The following PLA2G4F variants were observed in gnomAD, a reference collection of about 807,000 sequenced individuals.
The protein encoded by PLA2G4F is cytosolic phospholipase A2 zeta.
A neutral mutation model predicts 103.1 loss-of-function variants in PLA2G4F; 105 were observed. The observed-to-expected ratio is 1.02, with a 90% confidence interval of 0.87 to 1.20. The LOEUF (loss-of-function observed/expected upper bound fraction) is 1.20. Among genes scored for constraint, PLA2G4F ranks in the 50% most tolerant of loss-of-function variants. The pLI is 0.00. For missense variants in PLA2G4F, 1,155 were observed against 1,075.9 expected (o/e 1.07, Z -1.03); for synonymous variants, 468 against 441.1 (o/e 1.06, Z -0.76).
chr15:42,152,335 T>C (rs2048969178), intron 7 of PLA2G4F, among the ~76,000 whole-genome samples: 1 of 152,196 alleles, frequency 6.6e-6, no homozygotes, highest in Non-Finnish European at 1.5e-5. Context: ...CCCAGGCTAA[T>C]GGGCTTGTCA....
rs636604 is a variant in PLA2G4F, at chr15:42,156,461, C to A, written c.89G>T (p.Gly30Val). 0.021 allele frequency: 33,272 copies of A among 1,563,872 alleles called. 1,895 individuals are homozygous for A. The highest frequency in any genetic ancestry group is 0.15 in the Admixed American group (7,962 of 52,614). The change falls in exon 1 of 20, where the codon GGC becomes GTC. Residue 30 changes from glycine to valine, a missense_variant. Around this residue, in one of 3 missense-constraint regions of PLA2G4F, gnomAD observed 370 missense variants for 364.9 expected, o/e 1.01. Transcript: ENST00000397272. Reference protein sequence around the residue: ...AVLLQKREKRGPLWRHWRRET... With the variant: ...AVLLQKREKRVPLWRHWRRET... ...TACCCGCCAGTGCCTCCACAGAGGG[C>A]CCCTCTTCTCTCTCTTCTGAAGCAG...
At position 42,145,279 on chromosome 15, in the gene PLA2G4F, C is replaced by T. The variant is rs777835932; in HGVS notation, c.1780+296G>A. 9.0e-4 allele frequency among the ~76,000 whole-genome samples: 137 copies of T among 152,134 alleles called. 6 individuals are homozygous for T. Among genetic ancestry groups the T allele is most frequent in the Non-Finnish European group, 3.2e-4 (22 of 68,024 alleles). ...GAAGGGTGCTCTGCACCGTGGGGCCCCCATGAGCCATTTAAGGACCAGGCT... is the reference window on the plus strand; with the variant it reads ...GAAGGGTGCTCTGCACCGTGGGGCCTCCATGAGCCATTTAAGGACCAGGCT... On this transcript the variant is annotated intron_variant, in intron 16 of 19. Coordinates refer to ENST00000397272, the MANE Select transcript of PLA2G4F (RefSeq NM_213600.4).
intron 11 of PLA2G4F, 50 bp downstream of exon 11, chr15:42,149,663 T>C: frequency 6.2e-7 from 1 of 1,608,778 alleles, no homozygotes; most frequent in Admixed American, 1.7e-5. Flanking sequence ...GGGAAGAGAC[T>C]TGATTTAGTC....
Position 42,143,964 on chromosome 15 carries a change from G to A in PLA2G4F, c.2142+14C>T. 6.3e-7 allele frequency: 1 copy of A among 1,580,046 alleles called. No homozygotes were observed. The highest frequency in any genetic ancestry group is 1.3e-5 in the African/African-American group (1 of 74,108). On this transcript the variant is annotated intron_variant, in intron 18 of 19. Transcript: ENST00000397272. ...CACTGCAGGTGCTCCCCACATCCCT[G>A]CCTCCCAGCTCACCTCAAAAGGGGC...
At chr15:42,150,812 A>AG in intron 7 of PLA2G4F, 35 bp from the exon 8 acceptor site, 1 of 1,589,420 alleles carries the variant, frequency 6.3e-7, no homozygotes, top group Non-Finnish European at 8.5e-7. Flanking sequence ...TGCGCAGGTG[A>AG]GGGGGTGGGT....
At chr15:42,148,737 C>T in intron 11 of PLA2G4F, 1 of 985,416 alleles carries the variant, frequency 1.0e-6, no homozygotes, top group Admixed American at 6.1e-5. Context: ...GGGTCAGAGT[C>T]CATGCTTTTG....
chr15:42,154,367 G>T lies in PLA2G4F; in HGVS notation c.276C>A (p.Pro92=). The change falls in exon 3 of 20, where the codon CCC becomes CCA. Residue 92 remains proline (P), a synonymous_variant. Transcript: ENST00000397272. ...QTRIVANCSD[P]EWNETFHYQI... ...GGTAGTGGAAGGTCTCATTCCACTC[G>T]GGGTCACTGCAGTTGGCCACTATCC... The T allele has an allele frequency of 1.2e-6, 2 of 1,612,004 alleles. No individual in the cohort carries two copies. The highest frequency in any genetic ancestry group is 8.5e-7 in the Non-Finnish European group (1 of 1,178,668).
Position 42,145,621 on chromosome 15 carries a change from C to T in PLA2G4F, c.1734G>A (p.Ser578=), listed in dbSNP as rs115928111. ...TGTACCACTCCAGGAAGCTGAGGCC[C>T]GAGCCGGCGGTCTTTAGGAAGATCT... is the stretch of plus-strand genomic sequence containing the variant. ...LDEIFLKTAG[S]GLSFLEWYRG... Residue 578 remains serine, a synonymous_variant, in exon 16 of 20, where the codon TCG becomes TCA. Coordinates refer to ENST00000397272, the MANE Select transcript of PLA2G4F (RefSeq NM_213600.4). 767 of 1,614,074 alleles carry T rather than the reference C, an allele frequency of 4.8e-4. 4 individuals are homozygous for T. In the African/African-American group the frequency reaches 9.2e-3, roughly 19 times the overall value.
In PLA2G4F at chr15:42,141,497, G is replaced by C. The variant is rs1180209405; in HGVS notation, c.*487C>G. ...GCCCCTCATTGTTCTTGATAGCAGT[G>C]CATCCAGGAGCTCGAGGTGGGGTTG... On this transcript the variant is annotated 3_prime_UTR_variant, in exon 20 of 20. Transcript: ENST00000397272. 2 of 441,664 alleles carry C rather than the reference G, an allele frequency of 4.5e-6. No individual in the cohort carries two copies. Among genetic ancestry groups the C allele is most frequent in the African/African-American group, 4.0e-5 (2 of 49,644 alleles). The allele number at this position is 441,664 out of a possible 1,614,324, so 27.4% of individuals were successfully genotyped here. A position where few individuals can be genotyped will look rare whatever the true frequency, so the allele number is the denominator to read the frequency against.
chr15:42,155,112 C>T (rs999996919), intron 2 of PLA2G4F, among the ~76,000 whole-genome samples: 1 of 151,984 alleles, frequency 6.6e-6, no homozygotes, highest in Non-Finnish European at 1.5e-5. Flanking sequence ...TACACACTCA[C>T]GTTCACACAC....
In PLA2G4F at chr15:42,156,411, G is replaced by C. The variant is rs926327868; in HGVS notation, c.111+28C>G. 4.5e-6 allele frequency: 7 copies of C among 1,539,384 alleles called. No individual in the cohort carries two copies. The African/African-American group carries it at 8.2e-5, about 18-fold the overall frequency. On this transcript the variant is annotated intron_variant, in intron 1 of 19. Transcript: ENST00000397272. The stretch of plus-strand genomic sequence containing the variant: ...AGCTCCCAGGACTCCCCCAGTCCGG[G>C]TTTCCCAGGTAATCTCAGGTACGTT...
Position 42,141,882 on chromosome 15 carries a change from G to C in PLA2G4F, c.*102C>G. On this transcript the variant is annotated 3_prime_UTR_variant, in exon 20 of 20. Transcript: ENST00000397272. ...CTCGAGGCAGGTCCTGGAGAGAAGG[G>C]AAGCAGATCCTGCACAGAGTCCCCA... 8.0e-7 allele frequency: 1 copy of C among 1,243,772 alleles called. No individual in the cohort carries two copies. The highest frequency in any genetic ancestry group is 1.1e-6 in the Non-Finnish European group (1 of 888,044). 77.0% of individuals were successfully genotyped at this position (1,243,772 alleles called of 1,614,324 possible). A position where few individuals can be genotyped will look rare whatever the true frequency, so the allele number is the denominator to read the frequency against.
rs369661984 is a variant in PLA2G4F at position 42,148,586 on chromosome 15, G to C, written c.1060-824C>G. The C allele has an allele frequency of 7.2e-6, 7 of 965,848 alleles. No homozygotes were observed. The South Asian group carries it at 1.9e-4, about 26-fold the overall frequency. 59.8% of individuals were successfully genotyped at this position (965,848 alleles called of 1,614,324 possible). A position where few individuals can be genotyped will look rare whatever the true frequency, so the allele number is the denominator to read the frequency against. On this transcript the variant is annotated intron_variant, in intron 11 of 19. Coordinates refer to ENST00000397272, the MANE Select transcript of PLA2G4F (RefSeq NM_213600.4). ...CTACACATGGATGAATGTCCCCAGG[G>C]GTGCGGTGGGGAGGAACTAAATTGT... is the stretch of plus-strand genomic sequence containing the variant.
intron 9 of PLA2G4F, 102 bp downstream of exon 9, chr15:42,150,271 A>G (rs2048942208): frequency 6.5e-7 from 1 of 1,534,766 alleles, no homozygotes; most frequent in African/African-American, 1.4e-5. Flanking sequence ...TGACCTCTGG[A>G]CTGACCTGAT....
intron 2 of PLA2G4F, 178 bp from the exon 3 acceptor site, chr15:42,154,636 A>G (rs1287221035): frequency 4.9e-6 from 3 of 608,330 alleles, no homozygotes; most frequent in Non-Finnish European, 7.9e-6. Context: ...TCTTGATTCC[A>G]CACACCTCCC....
Position 42,149,858 on chromosome 15 carries a change from G to A in PLA2G4F, c.924-10C>T. The A allele has an allele frequency of 6.2e-7, 1 of 1,613,942 alleles. No individual in the cohort carries two copies. The highest frequency in any genetic ancestry group is 8.5e-7 in the Non-Finnish European group (1 of 1,179,828). On this transcript the variant is annotated splice_polypyrimidine_tract_variant and intron_variant, in intron 10 of 19. Transcript: ENST00000397272. ...GTCTAGGTCCCCGGAGCTGCCTCAA[G>A]TAGGGTGGGGTGGCGGTGGGGGGTT...
In PLA2G4F at chr15:42,144,026, T is replaced by A; in HGVS notation, c.2094A>T (p.Ala698=). The change falls in exon 18 of 20, where the codon GCA becomes GCT. Residue 698 remains alanine (A), a synonymous_variant. Transcript: ENST00000397272. The part of the protein sequence containing the change: ...PFPLALLPQR[A]VDLILSFDYS... ...AGTCAAAGGACAGAATGAGGTCCAC[T>A]GCTCTCTGAGGCAGCAGAGCCAGTG... 1 of 1,613,904 alleles carries A rather than the reference T, an allele frequency of 6.2e-7. No homozygotes were observed. The highest frequency in any genetic ancestry group is 8.5e-7 in the Non-Finnish European group (1 of 1,179,930).
Position 42,149,805 on chromosome 15 carries a change from C to T in PLA2G4F, c.967G>A (p.Gly323Arg), listed in dbSNP as rs140300563. Residue 323 changes from glycine (G) to arginine (R), a missense_variant, in exon 11 of 20, where the codon GGG becomes AGG. Transcript: ENST00000397272. ...CTCCTGTCCAGAAACTCCTGCTCCC[C>T]GTCAGAGAGGTCAAAGCCAAGGCGT... ...DLRLGFDLSD[G>R]EQEFLDRRKQ... is the part of the protein sequence containing the mutation. The T allele has an allele frequency of 3.1e-4, 508 of 1,614,192 alleles. 3 individuals are homozygous for T. The African/African-American group carries it at 5.2e-3, about 16-fold the overall frequency.
At position 42,153,360 on chromosome 15, in the gene PLA2G4F, T is replaced by C; in HGVS notation, c.492-18A>G. ...GCACCTGGCTGCAAAGGATGAGGAATACATGGAGAATACATCTGGCCCCAT... is the reference window on the plus strand; with the variant it reads ...GCACCTGGCTGCAAAGGATGAGGAACACATGGAGAATACATCTGGCCCCAT... On this transcript the variant is annotated intron_variant, in intron 5 of 19. Coordinates refer to ENST00000397272, the MANE Select transcript of PLA2G4F (RefSeq NM_213600.4). 6.2e-7 allele frequency: 1 copy of C among 1,612,506 alleles called. No individual in the cohort carries two copies. Among genetic ancestry groups the C allele is most frequent in the South Asian group, 1.1e-5 (1 of 91,006 alleles).
Sources: gnomAD v4.1 joint callset for allele counts (sites outside exome capture counted in the v4.1 genomes callset) on GRCh38, gnomAD v4.1.1 for gene constraint, gnomAD v4.1.1 regional missense constraint, MANE v1.5 for transcripts, NCBI Gene and HGNC (gene_info 2026-07-23, HGNC 2026-07-21) for gene names.